Variants in SLC27A1 observed in about 807,000 individuals in gnomAD.
The protein encoded by SLC27A1 is solute carrier family 27 member 1.
SLC27A1 carries 61 observed loss-of-function variants against 62.2 expected under a neutral mutation model. That is an observed-to-expected ratio of 0.98 (90% CI 0.80 to 1.21). SLC27A1 has a LOEUF of 1.21. Ranked by LOEUF, SLC27A1 falls within the 50% of genes most tolerant of loss-of-function variation. SLC27A1 has a pLI of 0.00. For missense variants in SLC27A1, 903 were observed against 932.1 expected, an observed-to-expected ratio of 0.97 and a Z score of 0.41; for synonymous variants, 435 against 408.6, an observed-to-expected ratio of 1.06 and a Z score of -0.78.
At chr19:17,471,013 T>A (rs1384873035) in intron 1 of SLC27A1, among the ~76,000 whole-genome samples, 1 of 131,988 alleles carries the variant, frequency 7.6e-6, no homozygotes, top group Non-Finnish European at 1.6e-5. Flanking sequence ...GGGGGGCAAT[T>A]TGGGGGTCTT....
At chr19:17,476,552 AAAG>A (rs1368721580) in intron 1 of SLC27A1, among the ~76,000 whole-genome samples, 29 of 151,070 alleles carry the variant, frequency 1.9e-4, no homozygotes, top group Non-Finnish European at 2.9e-4. Flanking sequence ...AAAAAAAAAA[AAAG>A]GAAAAAAAAA....
At chr19:17,503,368 T>C (rs1038523352) in intron 11 of SLC27A1, 9 of 152,292 alleles carry the variant, frequency 5.9e-5, no homozygotes, top group Admixed American at 1.3e-4. Flanking sequence ...ACAGCCTCGA[T>C]TGCTATTCAA....
chr19:17,497,385 A>T lies in SLC27A1; in HGVS notation c.1127A>T (p.Glu376Val), dbSNP rs752068554. ...CCTGCCATCTGGGAGGAGTTCACGG[A>T]GCGCTTCGGCGTACGCCAAATCGGG... ...LRPAIWEEFT[E>V]RFGVRQIGEF... is the part of the protein sequence containing the mutation. The change falls in exon 7 of 12, where the codon GAG (glutamate) becomes GTG (valine). Residue 376 changes from glutamate to valine, a missense_variant. Transcript: ENST00000252595. 6.2e-6 allele frequency: 10 copies of T among 1,604,160 alleles called. No individual in the cohort carries two copies. The highest frequency in any genetic ancestry group is 8.5e-6 in the Non-Finnish European group (10 of 1,177,084).
intron 11 of SLC27A1, among the ~76,000 whole-genome samples, 178 bp downstream of exon 11, chr19:17,501,597 A>T (rs1287908204): frequency 2.0e-5 from 3 of 151,664 alleles, no homozygotes; most frequent in Non-Finnish European, 2.9e-5. Flanking sequence ...AGGTGAGGAG[A>T]TCGAGAGCAT....
intron 6 of SLC27A1, among the ~76,000 whole-genome samples, chr19:17,491,385 C>G (rs768971342): frequency 6.6e-6 from 1 of 152,000 alleles, no homozygotes; most frequent in Non-Finnish European, 1.5e-5. Context: ...CTGTTCTGGA[C>G]ATTTCAGATC....
In SLC27A1 at chr19:17,486,779, C is replaced by A. The variant is rs531250354; in HGVS notation, c.384C>A (p.Gly128=). 29 of 1,603,730 alleles carry A rather than the reference C, an allele frequency of 1.8e-5. No individual in the cohort carries two copies. The highest frequency in any genetic ancestry group is 2.4e-5 in the Non-Finnish European group (28 of 1,175,618). Residue 128 remains glycine, a synonymous_variant, in exon 2 of 12, where the codon GGC becomes GGA. Coordinates refer to ENST00000252595, the MANE Select transcript of SLC27A1 (RefSeq NM_198580.3). The surrounding 1 kb of genome is among the most constrained non-coding windows in gnomAD (Gnocchi z 6.6). ...NLFRQLGFAP[G]DVVAIFLEGR... ...TCCGCCAGCTGGGCTTCGCGCCGGG[C>A]GACGTGGTGGCCATCTTCCTGGAGG...
intron 1 of SLC27A1, 136 bp downstream of exon 1, chr19:17,470,843 T>G (rs1346034568): frequency 7.3e-4 from 3 of 4,096 alleles, no homozygotes; most frequent in Admixed American, 4.2e-3. Flanking sequence ...GGGGCGGGGC[T>G]GGGCCGAGGG....
Position 17,500,806 on chromosome 19 carries a change from C to T in SLC27A1, c.1566C>T (p.Thr522=), listed in dbSNP as rs746580116. 1.9e-5 allele frequency: 31 copies of T among 1,612,144 alleles called. No homozygotes were observed. Among genetic ancestry groups the T allele is most frequent in the South Asian group, 1.1e-4 (10 of 91,004 alleles). ...FRWRGENVST[T]EVEGVLSRLL... is the part of the protein sequence containing the mutation. ...GGCGAGGGGAGAACGTCTCCACCAC[C>T]GAGGTGGAGGGCGTGCTGAGCCGCC... Residue 522 remains threonine, a synonymous_variant, in exon 10 of 12, where the codon ACC becomes ACT. Coordinates refer to ENST00000252595, the MANE Select transcript of SLC27A1 (RefSeq NM_198580.3).
intron 1 of SLC27A1, among the ~76,000 whole-genome samples, chr19:17,471,106 CTG>C (rs2075072294): frequency 6.6e-6 from 1 of 151,108 alleles, no homozygotes; most frequent in African/African-American, 2.4e-5. Flanking sequence ...GCCGTGATAA[CTG>C]TGAGAGACTT....
chr19:17,475,277 G>A (rs28582369), intron 1 of SLC27A1, among the ~76,000 whole-genome samples: 46,858 of 151,996 alleles, frequency 0.31, 8,143 homozygotes, highest in Non-Finnish European at 0.4. Flanking sequence ...GCAGAGGCTC[G>A]TGCATATAAT....
chr19:17,479,804 C>T (rs145784082), intron 1 of SLC27A1, among the ~76,000 whole-genome samples: 16 of 152,108 alleles, frequency 1.1e-4, no homozygotes, highest in East Asian at 1.9e-4. Flanking sequence ...CCACCACGCA[C>T]GGCTAATTTT....
chr19:17,493,818 G>A (rs2075320318), intron 6 of SLC27A1, among the ~76,000 whole-genome samples: 2 of 151,924 alleles, frequency 1.3e-5, no homozygotes, highest in South Asian at 2.1e-4. Context: ...TAGAGACGGG[G>A]TTTCACCATG....
In SLC27A1 at chr19:17,486,975, C is replaced by T. The variant is rs748699882; in HGVS notation, c.562+18C>T. ...GGTGGCGGGTGAGGCCAGGCGTGGG[C>T]ATCAGGTGGGCGGGGACCCAGGACT... On this transcript the variant is annotated intron_variant, in intron 2 of 11. Transcript: ENST00000252595. The surrounding 1 kb of genome is among the most constrained non-coding windows in gnomAD (Gnocchi z 6.6). 1.9e-6 allele frequency: 3 copies of T among 1,554,290 alleles called. No homozygotes were observed. Among genetic ancestry groups the T allele is most frequent in the East Asian group, 4.5e-5 (2 of 44,314 alleles).
chr19:17,477,242 T>C (rs1412955427), intron 1 of SLC27A1, among the ~76,000 whole-genome samples: 1 of 59,176 alleles, frequency 1.7e-5, no homozygotes, highest in Non-Finnish European at 4.8e-5. Flanking sequence ...GAGCAGCGCT[T>C]TTTTTTTTTT....
chr19:17,473,194 A>G (rs1457725589), intron 1 of SLC27A1, among the ~76,000 whole-genome samples: 1 of 152,058 alleles, frequency 6.6e-6, no homozygotes, highest in African/African-American at 2.4e-5. Flanking sequence ...CAGCCTCCCA[A>G]AGTGCTGGGA....
At chr19:17,482,644 C>CT (rs1245484312) in intron 1 of SLC27A1, among the ~76,000 whole-genome samples, 4 of 104,426 alleles carry the variant, frequency 3.8e-5, no homozygotes, top group Non-Finnish European at 7.3e-5. Context: ...GAGCAAGACT[C>CT]TGTCTCAAAA....
At position 17,504,709 on chromosome 19, in the gene SLC27A1, A is replaced by C. The variant is rs1599680891; in HGVS notation, c.*97A>C. On this transcript the variant is annotated 3_prime_UTR_variant, in exon 12 of 12. Coordinates refer to ENST00000252595, the MANE Select transcript of SLC27A1 (RefSeq NM_198580.3). ...AGGGGTGGCCGCCTAGTACACACCCACCTGGCCGAGCTGTACCTGGCACGG... is the reference window on the plus strand; with the variant it reads ...AGGGGTGGCCGCCTAGTACACACCCCCCTGGCCGAGCTGTACCTGGCACGG... 1 of 1,502,866 alleles carries C rather than the reference A, an allele frequency of 6.7e-7. No homozygotes were observed. 93.1% of individuals were successfully genotyped at this position (1,502,866 alleles called of 1,614,324 possible).
intron 11 of SLC27A1, among the ~76,000 whole-genome samples, chr19:17,502,994 A>C (rs560858945): frequency 6.6e-6 from 1 of 152,322 alleles, no homozygotes; most frequent in Admixed American, 6.5e-5. Context: ...TGGCCTCACC[A>C]TCATGGCAGA....
intron 10 of SLC27A1, 66 bp from the exon 11 acceptor site, chr19:17,501,207 T>C: frequency 1.3e-6 from 2 of 1,581,374 alleles, no homozygotes; most frequent in East Asian, 2.3e-5. Context: ...TGCTTGACAG[T>C]GTATCTGGTC....
Sources: allele counts gnomAD v4.1 joint callset (sites outside exome capture counted in the v4.1 genomes callset), GRCh38; gene constraint gnomAD v4.1.1; non-coding constraint Gnocchi (gnomAD v3.1); transcripts MANE v1.5; gene names NCBI Gene and HGNC (gene_info 2026-07-23, HGNC 2026-07-21).